Variants in RP1 observed in about 807,000 individuals in gnomAD.
The protein encoded by RP1 is oxygen-regulated protein 1.
In RP1, 16 loss-of-function variants were observed where a neutral mutation model predicts 14.8. That is an observed-to-expected ratio of 1.08 (90% CI 0.73 to 1.65). The LOEUF is 1.65. Among genes scored for constraint, RP1 ranks in the 40% most tolerant of loss-of-function variants. RP1 has a pLI of 0.00. For synonymous variants in RP1, 876 were observed against 883.6 expected, an observed-to-expected ratio of 0.99 and a Z score of 0.15; for missense variants, 2,631 against 2,535.0, an observed-to-expected ratio of 1.04 and a Z score of -0.81.
chr8:54,820,519 G>A (rs192658851), intron 24 of RP1, among the ~76,000 whole-genome samples: 433 of 152,186 alleles, frequency 2.8e-3, no homozygotes, highest in Non-Finnish European at 2.6e-3. Context: ...CCCTTCATGG[G>A]CACAGGAAGA....
chr8:54,580,585 G>C (rs970984715), intron 1 of RP1, among the ~76,000 whole-genome samples: 2 of 149,852 alleles, frequency 1.3e-5, no homozygotes, highest in African/African-American at 4.9e-5. Flanking sequence ...GATTACAGGC[G>C]TGAGCCACTG....
intron 24 of RP1, among the ~76,000 whole-genome samples, chr8:54,836,690 C>T (rs10087883): frequency 0.3 from 46,152 of 151,936 alleles, 7,206 homozygotes; most frequent in South Asian, 0.37. Flanking sequence ...CACCCAGTGC[C>T]TTGATCTCAG....
chr8:54,581,595 T>C (rs1037397814), intron 1 of RP1, among the ~76,000 whole-genome samples: 11 of 152,206 alleles, frequency 7.2e-5, no homozygotes. Context: ...ACTTCCACAA[T>C]GGTGGAACTA....
chr8:54,676,758 A>T lies in RP1; in HGVS notation c.1403-1703A>T, dbSNP rs889377007. Among the ~76,000 whole-genome samples, 8 of 152,352 alleles carry T rather than the reference A, an allele frequency of 5.3e-5. No homozygotes were observed. The East Asian group carries it at 1.5e-3, about 29-fold the overall frequency. ...TTTTACGTTAATAATTTAAAAACTA[A>T]CTTACTAACTTACAAAGTATTGTTA... On this transcript the variant is annotated intron_variant, in intron 8 of 22. Transcript: ENST00000636932.
intron 1 of RP1, among the ~76,000 whole-genome samples, chr8:54,604,625 C>T (rs1263216482): frequency 1.3e-5 from 2 of 152,200 alleles, no homozygotes; most frequent in Non-Finnish European, 2.9e-5. Context: ...ACCAGATCCT[C>T]CTTGTACCTC....
Position 54,628,170 on chromosome 8 carries a change from G to T in RP1, c.4288G>T (p.Asp1430Tyr). ...FENCSLRKFQDENAYTSFDME... is the reference protein window; with the variant it reads ...FENCSLRKFQYENAYTSFDME... ...AAATTGTTCACTAAGGAAGTTTCAG[G>T]ATGAAAATGCATATACTTCCTTTGA... Residue 1430 changes from aspartate to tyrosine, a missense_variant, in exon 4 of 4, where the codon GAT becomes TAT. Asp to Tyr is a radical substitution (Grantham distance 160). Coordinates refer to ENST00000220676, the MANE Select transcript of RP1 (RefSeq NM_006269.2). 1 of 1,613,980 alleles carries T rather than the reference G, an allele frequency of 6.2e-7. No individual in the cohort carries two copies. Among genetic ancestry groups the T allele is most frequent in the Non-Finnish European group, 8.5e-7 (1 of 1,179,912 alleles).
At chr8:54,741,858 CAAT>C (rs985333251) in intron 19 of RP1, among the ~76,000 whole-genome samples, 1 of 149,634 alleles carries the variant, frequency 6.7e-6, no homozygotes, top group Non-Finnish European at 1.5e-5. Context: ...GCAGTAATAA[CAAT>C]AATAATAATA....
intron 26 of RP1, among the ~76,000 whole-genome samples, chr8:54,855,624 T>G (rs1462627560): frequency 6.6e-6 from 1 of 152,142 alleles, no homozygotes; most frequent in Non-Finnish European, 1.5e-5. Flanking sequence ...AGACTGTGTA[T>G]AGAAAACCAC....
chr8:54,648,311 T>C (rs1419113152), intron 3 of RP1, among the ~76,000 whole-genome samples: 1 of 152,210 alleles, frequency 6.6e-6, no homozygotes, highest in African/African-American at 2.4e-5. Context: ...TAGGACATTA[T>C]ATCATACCAC....
chr8:54,634,849 A>G (rs1806317210), downstream of RP1, among the ~76,000 whole-genome samples: 1 of 152,154 alleles, frequency 6.6e-6, no homozygotes, highest in African/African-American at 2.4e-5. Flanking sequence ...TGGGAGGCCA[A>G]GGTGGGCGGA....
chr8:54,606,094 G>A (rs932274685), intron 1 of RP1, among the ~76,000 whole-genome samples: 44 of 152,110 alleles, frequency 2.9e-4, no homozygotes, highest in African/African-American at 9.4e-4. Flanking sequence ...GATGATGTTA[G>A]CTGGTTATTT....
intron 1 of RP1, among the ~76,000 whole-genome samples, chr8:54,608,183 CTT>C (rs772485466): frequency 5.8e-5 from 8 of 136,826 alleles, no homozygotes; most frequent in Non-Finnish European, 6.3e-5. Flanking sequence ...GGCCATCTGC[CTT>C]TTTTTTTTTT....
intron 24 of RP1, among the ~76,000 whole-genome samples, chr8:54,813,604 A>G (rs566618707): frequency 7.2e-5 from 11 of 152,196 alleles, no homozygotes; most frequent in Non-Finnish European, 1.6e-4. Flanking sequence ...TGCAAACAAG[A>G]TATTATCTAA....
intron 3 of RP1, among the ~76,000 whole-genome samples, chr8:54,638,961 A>G (rs180749415): frequency 6.6e-6 from 1 of 151,526 alleles, no homozygotes; most frequent in African/African-American, 2.4e-5. Context: ...AAATCTCCCC[A>G]ATTTTAAGTG....
intron 7 of RP1, among the ~76,000 whole-genome samples, chr8:54,669,129 C>G (rs1807084354): frequency 1.3e-5 from 2 of 152,212 alleles, no homozygotes; most frequent in African/African-American, 4.8e-5. Context: ...ATCTACCCAT[C>G]TGACAAAAGG....
chr8:54,695,026 T>C (rs980030344), intron 12 of RP1, among the ~76,000 whole-genome samples: 1 of 152,148 alleles, frequency 6.6e-6, no homozygotes, highest in South Asian at 2.1e-4. Context: ...TGCGTCTTTG[T>C]TCTCGTTGGT....
At chr8:54,810,038 A>G (rs1193072674) in intron 24 of RP1, among the ~76,000 whole-genome samples, 3 of 152,228 alleles carry the variant, frequency 2.0e-5, no homozygotes, top group Non-Finnish European at 4.4e-5. Context: ...CTATGTGTCT[A>G]GAGCACATAT....
At chr8:54,560,990 G>A (rs951038369) in intron 1 of RP1, 7 of 151,912 alleles carry the variant, frequency 4.6e-5, no homozygotes, top group African/African-American at 9.7e-5. Context: ...CAGGCTCAGG[G>A]GGTGTGACAC....
At chr8:54,737,285 C>G (rs901329406) in intron 18 of RP1, among the ~76,000 whole-genome samples, 1 of 152,162 alleles carries the variant, frequency 6.6e-6, no homozygotes, top group Non-Finnish European at 1.5e-5. Context: ...GTCTTTCCCC[C>G]CTGGCTGGCA....
Sources: allele counts gnomAD v4.1 joint callset (sites outside exome capture counted in the v4.1 genomes callset), GRCh38; gene constraint gnomAD v4.1.1; transcripts MANE v1.5; gene names NCBI Gene and HGNC (gene_info 2026-07-23, HGNC 2026-07-21).